The following PTPRM variants were observed in gnomAD, a reference collection of about 807,000 sequenced individuals.
The protein encoded by PTPRM is protein tyrosine phosphatase receptor type M, also known as receptor-type tyrosine-protein phosphatase mu.
In PTPRM, 47 loss-of-function variants were observed where a neutral mutation model predicts 186.7. The observed-to-expected ratio is 0.25, with a 90% confidence interval of 0.20 to 0.32. The LOEUF (loss-of-function observed/expected upper bound fraction) is 0.32, where lower values mean the gene tolerates loss of function less well. PTPRM is among the 10% of genes least tolerant of loss of function. PTPRM has a pLI of 1.00. For missense variants in PTPRM, 1,494 were observed against 1,865.0 expected, an observed-to-expected ratio of 0.80 and a Z score of 3.66; for synonymous variants, 668 against 674.9, an observed-to-expected ratio of 0.99 and a Z score of 0.16.
Position 8,114,778 on chromosome 18 carries a change from T to G in PTPRM, c.2131-13T>G, listed in dbSNP as rs2091893281. On this transcript the variant is annotated splice_polypyrimidine_tract_variant and intron_variant, in intron 12 of 32. Transcript: ENST00000580170. Reference sequence around the variant, plus strand: ...CATGAATAATGATTTTTCCCTCTCTTTATTTGACACAGGAAACCAAAATAG... The same window carrying G: ...CATGAATAATGATTTTTCCCTCTCTGTATTTGACACAGGAAACCAAAATAG... 5.6e-6 allele frequency: 9 copies of G among 1,600,756 alleles called. No individual in the cohort carries two copies. Among genetic ancestry groups the G allele is most frequent in the Non-Finnish European group, 6.8e-6 (8 of 1,171,724 alleles).
At chr18:7,806,686 G>A (rs2044254176) in intron 2 of PTPRM, among the ~76,000 whole-genome samples, 1 of 152,142 alleles carries the variant, frequency 6.6e-6, no homozygotes, top group Non-Finnish European at 1.5e-5. Flanking sequence ...CACTGCTGGT[G>A]GTAAGGACAT....
chr18:8,039,897 T>C (rs2086584773), intron 7 of PTPRM, among the ~76,000 whole-genome samples: 1 of 152,220 alleles, frequency 6.6e-6, no homozygotes, highest in Non-Finnish European at 1.5e-5. Context: ...GACCTTTTCA[T>C]ATGCATGGAT....
chr18:7,886,911 T>C (rs957533166), intron 2 of PTPRM, among the ~76,000 whole-genome samples: 1 of 152,234 alleles, frequency 6.6e-6, no homozygotes, highest in African/African-American at 2.4e-5. Flanking sequence ...AGTGGTCTTC[T>C]TGTTTTGCTG....
intron 1 of PTPRM, among the ~76,000 whole-genome samples, chr18:7,689,108 G>A (rs2039675987): frequency 6.6e-6 from 1 of 151,948 alleles, no homozygotes; most frequent in Non-Finnish European, 1.5e-5. Flanking sequence ...AAGAGGATAG[G>A]TATGTAGGTA....
At chr18:8,105,177 A>G (rs2091460936) in intron 11 of PTPRM, among the ~76,000 whole-genome samples, 1 of 152,226 alleles carries the variant, frequency 6.6e-6, no homozygotes, top group Non-Finnish European at 1.5e-5. Flanking sequence ...TGCTTTTTAT[A>G]GAATTTGTTT....
At chr18:7,758,781 A>G (rs942183094) in intron 1 of PTPRM, among the ~76,000 whole-genome samples, 1 of 152,194 alleles carries the variant, frequency 6.6e-6, no homozygotes, top group African/African-American at 2.4e-5. Context: ...TATAGAGCAT[A>G]TGGAGAAAAA....
At chr18:8,193,052 T>C (rs145131495) in intron 14 of PTPRM, among the ~76,000 whole-genome samples, 2 of 152,340 alleles carry the variant, frequency 1.3e-5, no homozygotes, top group African/African-American at 4.8e-5. Context: ...TATTGTAAAA[T>C]CATTTTTCTT....
chr18:7,901,555 C>A (rs752692582), intron 3 of PTPRM, among the ~76,000 whole-genome samples: 5 of 151,974 alleles, frequency 3.3e-5, no homozygotes, highest in Admixed American at 3.3e-4. Flanking sequence ...TTAGTAGAGA[C>A]GGGTTTCACC....
chr18:8,013,193 T>C (rs2084646608), intron 7 of PTPRM, among the ~76,000 whole-genome samples: 1 of 152,130 alleles, frequency 6.6e-6, no homozygotes, highest in Non-Finnish European at 1.5e-5. Flanking sequence ...AATAAAAATT[T>C]TCAATTTGTT....
chr18:7,840,728 A>G (rs2046281104), intron 2 of PTPRM, among the ~76,000 whole-genome samples: 1 of 152,230 alleles, frequency 6.6e-6, no homozygotes, highest in Non-Finnish European at 1.5e-5. Context: ...GGCTTTATGT[A>G]GAATAAAAGC....
chr18:7,984,600 T>TACACACACAC (rs1364395082), intron 7 of PTPRM, among the ~76,000 whole-genome samples: 13 of 110,946 alleles, frequency 1.2e-4, no homozygotes, highest in African/African-American at 4.9e-4. Flanking sequence ...TATATATATA[T>TACACACACAC]ATACACACAC....
intron 21 of PTPRM, among the ~76,000 whole-genome samples, chr18:8,315,098 G>A (rs2095299134): frequency 6.6e-6 from 1 of 152,168 alleles, no homozygotes; most frequent in Non-Finnish European, 1.5e-5. Context: ...ACTTAACAGT[G>A]AAGACACGGT....
intron 2 of PTPRM, among the ~76,000 whole-genome samples, chr18:7,834,002 T>C (rs1367764926): frequency 6.6e-6 from 1 of 152,176 alleles, no homozygotes; most frequent in Admixed American, 6.6e-5. Flanking sequence ...CTATCATCAA[T>C]AACAGTGGGG....
At chr18:8,086,393 A>G (rs78112501) in intron 10 of PTPRM, among the ~76,000 whole-genome samples, 10,491 of 152,246 alleles carry the variant, frequency 0.069, 498 homozygotes, top group Middle Eastern at 0.27. Context: ...GCCATCTAAC[A>G]AAAGACGTAA....
At chr18:8,117,650 C>T (rs1333591238) in intron 13 of PTPRM, among the ~76,000 whole-genome samples, 1 of 152,054 alleles carries the variant, frequency 6.6e-6, no homozygotes, top group African/African-American at 2.4e-5. Flanking sequence ...GGGGGATTGC[C>T]TATATTTTTA....
chr18:8,053,469 G>A (rs2148286450), intron 7 of PTPRM, among the ~76,000 whole-genome samples: 1 of 152,186 alleles, frequency 6.6e-6, no homozygotes, highest in South Asian at 2.1e-4. Context: ...CCAGGAATCA[G>A]AAACACCACC....
At chr18:7,846,512 T>G (rs536675167) in intron 2 of PTPRM, among the ~76,000 whole-genome samples, 1 of 152,360 alleles carries the variant, frequency 6.6e-6, no homozygotes, top group East Asian at 1.9e-4. Flanking sequence ...TGTTATTGCC[T>G]CATCCTTCAT....
chr18:7,783,798 G>A (rs2042973807), intron 2 of PTPRM, among the ~76,000 whole-genome samples: 1 of 150,772 alleles, frequency 6.6e-6, no homozygotes, highest in African/African-American at 2.4e-5. Flanking sequence ...GTAGAGACAG[G>A]GCCTTGCTAT....
intron 23 of PTPRM, among the ~76,000 whole-genome samples, chr18:8,362,941 G>C (rs1303873807): frequency 6.6e-6 from 1 of 152,208 alleles, no homozygotes; most frequent in Non-Finnish European, 1.5e-5. Flanking sequence ...CTCTTGACCA[G>C]TCAGCTTGCC....
Sources: gnomAD v4.1 joint callset for allele counts (sites outside exome capture counted in the v4.1 genomes callset) on GRCh38, gnomAD v4.1.1 for gene constraint, MANE v1.5 for transcripts, NCBI Gene and HGNC (gene_info 2026-07-23, HGNC 2026-07-21) for gene names.